CFAP65: variants seen among roughly 807,000 people sequenced by gnomAD.
CFAP65 encodes cilia- and flagella-associated protein 65.
Under a neutral mutation model 208.0 loss-of-function variants are expected in CFAP65, and 155 were observed. That is an observed-to-expected ratio of 0.75 (90% confidence interval 0.65 to 0.85). The LOEUF (loss-of-function observed/expected upper bound fraction) is 0.85. Among genes scored for constraint, CFAP65 ranks in the 40% least tolerant of loss-of-function variants. The pLI is 0.00. For missense variants in CFAP65, 2,294 were observed against 2,451.3 expected, an observed-to-expected ratio of 0.94 and a Z score of 1.36; for synonymous variants, 970 against 986.3, an observed-to-expected ratio of 0.98 and a Z score of 0.31.
rs1945761284 is a variant in CFAP65 at position 219,004,000 on chromosome 2, A to T, written c.5507T>A (p.Val1836Asp). ...CTGTTCTTGCTCCTCCTTCACCATGACATTCAGCTGCTGTTGCCACTGCCA... is the reference window on the plus strand; with the variant it reads ...CTGTTCTTGCTCCTCCTTCACCATGTCATTCAGCTGCTGTTGCCACTGCCA... ...MQWQWQQQLN[V>D]MVKEEQEQDE... Residue 1836 changes from valine to aspartate, a missense_variant, in exon 33 of 35, where the codon GTC becomes GAC. Physicochemically the swap from Val to Asp is radical, Grantham distance 152. Coordinates refer to ENST00000341552, the MANE Select transcript of CFAP65 (RefSeq NM_194302.4). This position sits in a 1 kb window ranked among gnomAD's most constrained non-coding sequence, Gnocchi z 4.4. 2.5e-6 allele frequency: 4 copies of T among 1,613,894 alleles called. No homozygotes were observed. Among genetic ancestry groups the T allele is most frequent in the East Asian group, 2.2e-5 (1 of 44,866 alleles).
chr2:219,040,977 C>CAT (rs3082573), intron 1 of CFAP65, among the ~76,000 whole-genome samples: 106,613 of 151,946 alleles, frequency 0.7, 38,109 homozygotes, highest in Non-Finnish European at 0.77. Flanking sequence ...TAAACAAACA[C>CAT]GTTATAGTAA....
intron 22 of CFAP65, 75 bp from the exon 23 acceptor site, chr2:219,013,660 T>G: frequency 7.1e-7 from 1 of 1,409,406 alleles, no homozygotes; most frequent in South Asian, 1.2e-5. Flanking sequence ...GGACATGACA[T>G]TTCTGTGGCT....
Position 219,021,181 on chromosome 2 carries a change from G to A in CFAP65, c.3230C>T (p.Thr1077Ile). Reference protein sequence around the residue: ...CPKQRSQYSWTITYSLLSHRD... With the variant: ...CPKQRSQYSWIITYSLLSHRD... ...GTGGGAAAGGAGAGAGTAGGTGATG[G>A]TCCAGGAGTACTGGGACCGCTGCTT... The change falls in exon 19 of 35, where the codon ACC becomes ATC. Residue 1077 changes from threonine (T) to isoleucine (I), a missense_variant. Physicochemically the swap from Thr to Ile is moderately conservative, Grantham distance 89. Around this residue, in one of 2 missense-constraint regions of CFAP65, gnomAD observed 1,427 missense variants for 1,438.7 expected, o/e 0.99. Coordinates refer to ENST00000341552, the MANE Select transcript of CFAP65 (RefSeq NM_194302.4). The A allele has an allele frequency of 6.3e-7, 1 of 1,598,684 alleles. No homozygotes were observed. The highest frequency in any genetic ancestry group is 8.5e-7 in the Non-Finnish European group (1 of 1,172,034).
chr2:219,037,931 T>C (rs422702), intron 4 of CFAP65, among the ~76,000 whole-genome samples: 19,309 of 152,098 alleles, frequency 0.13, 2,148 homozygotes, highest in East Asian at 0.46. Flanking sequence ...ACAGTATCCA[T>C]ACATTATTGG....
intron 9 of CFAP65, among the ~76,000 whole-genome samples, chr2:219,030,410 G>T (rs1384824693): frequency 6.6e-6 from 1 of 152,200 alleles, no homozygotes; most frequent in Admixed American, 6.5e-5. Context: ...CTGCCCAAAG[G>T]GGGCACCTTT....
chr2:219,006,243 T>C lies in CFAP65; in HGVS notation c.4720-20A>G, dbSNP rs768872016. The stretch of plus-strand genomic sequence containing the variant: ...CAGTGTCTTTGGGAAGGGAGGGACA[T>C]GGATGACAAGGGTTTGGGCACCACA... On this transcript the variant is annotated intron_variant, in intron 30 of 34. Coordinates refer to ENST00000341552, the MANE Select transcript of CFAP65 (RefSeq NM_194302.4). The C allele has an allele frequency of 1.1e-5, 18 of 1,598,284 alleles. No individual in the cohort carries two copies. Among genetic ancestry groups the C allele is most frequent in the Non-Finnish European group, 1.5e-5 (17 of 1,170,124 alleles).
At chr2:219,016,624 T>C (rs1343010819) in intron 21 of CFAP65, among the ~76,000 whole-genome samples, 1 of 152,074 alleles carries the variant, frequency 6.6e-6, no homozygotes, top group Non-Finnish European at 1.5e-5. Flanking sequence ...TTCCAACCCC[T>C]TTCCCTTCCA....
Position 219,031,157 on chromosome 2 carries a change from A to G in CFAP65, c.964T>C (p.Trp322Arg). 1 of 1,608,746 alleles carries G rather than the reference A, an allele frequency of 6.2e-7. No individual in the cohort carries two copies. The change falls in exon 8 of 35, where the codon TGG (tryptophan) becomes CGG (arginine). Residue 322 changes from tryptophan to arginine, a missense_variant. By Grantham distance (101) the Trp-to-Arg change is moderately radical. Transcript: ENST00000341552. This position sits in a 1 kb window ranked among gnomAD's most constrained non-coding sequence, Gnocchi z 5.2. ...CTCTGCCGGCTGCCCGCCCCGTACC[A>G]GCACGTGGCCTGCACCTCGTAGATG... ...AVIYEVQATC[W>R]YGAGSRQRSS...
intron 17 of CFAP65, 81 bp from the exon 18 acceptor site, chr2:219,022,011 A>T: frequency 6.3e-7 from 1 of 1,579,830 alleles, no homozygotes; most frequent in East Asian, 2.2e-5. Flanking sequence ...TTTTCAGAGC[A>T]TCCCCCAAGG....
At chr2:219,022,885 C>T (rs936227900) in intron 16 of CFAP65, among the ~76,000 whole-genome samples, 1 of 152,252 alleles carries the variant, frequency 6.6e-6, no homozygotes, top group Non-Finnish European at 1.5e-5. Context: ...AACCCACCCT[C>T]CCAATGACCT....
chr2:219,008,510 C>T (rs939177336), intron 29 of CFAP65, among the ~76,000 whole-genome samples: 7 of 152,110 alleles, frequency 4.6e-5, no homozygotes, highest in African/African-American at 1.2e-4. Flanking sequence ...TTTGGGAGGC[C>T]GAGGTGGTCA....
rs761418580 is a variant in CFAP65, at chr2:219,024,072, G to C, written c.2538C>G (p.Ser846Arg). 2.5e-6 allele frequency: 4 copies of C among 1,613,976 alleles called. No homozygotes were observed. In the African/African-American group the frequency reaches 5.3e-5, roughly 22 times the overall value. The stretch of plus-strand genomic sequence containing the variant: ...GATAGAAAGTGTGCTGCTTCCAGGA[G>C]CTGCCCTCAGGGTAGGTGCAGATGA... ...IILICTYPEG[S>R]SWKQHTFYLQ... Residue 846 changes from serine to arginine, a missense_variant, in exon 15 of 35, where the codon AGC becomes AGG. Around this residue, in one of 2 missense-constraint regions of CFAP65, gnomAD observed 1,427 missense variants for 1,438.7 expected, o/e 0.99. Coordinates refer to ENST00000341552, the MANE Select transcript of CFAP65 (RefSeq NM_194302.4).
rs141598128 is a variant in CFAP65, at chr2:219,028,202, T to C, written c.1850A>G (p.Gln617Arg). 20 of 1,613,730 alleles carry C rather than the reference T, an allele frequency of 1.2e-5. No homozygotes were observed. The African/African-American group carries it at 2.0e-4, about 16-fold the overall frequency. Residue 617 changes from glutamine to arginine, a missense_variant and splice_region_variant, in exon 12 of 35, where the codon CAG becomes CGG. Gln to Arg is a conservative substitution (Grantham distance 43). Coordinates refer to ENST00000341552, the MANE Select transcript of CFAP65 (RefSeq NM_194302.4). ...ATGCAGCTGGGGAGGGCACTGTACC[T>C]GGATGGGAATCATGAGAGCCCCGTT... Reference protein sequence around the residue: ...DQNGALMIPIQDLEDMPAPQY... With the variant: ...DQNGALMIPIRDLEDMPAPQY...
chr2:219,038,249 G>A (rs1175105751), intron 4 of CFAP65, 126 bp downstream of exon 4: 1 of 815,502 alleles, frequency 1.2e-6, no homozygotes, highest in Non-Finnish European at 1.9e-6. Flanking sequence ...GTCTAGACAA[G>A]GTCTAGTGCT....
At position 219,010,654 on chromosome 2, in the gene CFAP65, GA is replaced by G; in HGVS notation, c.4199del (p.Phe1400SerfsTer10). The G allele has an allele frequency of 6.2e-7, 1 of 1,610,820 alleles. No individual in the cohort carries two copies. Among genetic ancestry groups the G allele is most frequent in the Non-Finnish European group, 8.5e-7 (1 of 1,179,136 alleles). On this transcript the variant is annotated frameshift_variant, in exon 26 of 35. Transcript: ENST00000341552. LOFTEE classifies it high-confidence loss of function. The part of the protein sequence containing the change: ...ILGWNSALIH[F>X]QGVGYNPHMM... ...TATGGGGGTTGTAGCCCACTCCCTG[GA>G]AGTGGATGAGGGCCGAGTTCCATCC...
chr2:219,027,915 G>T lies in CFAP65; in HGVS notation c.1946C>A (p.Pro649Gln). ...DGTSDITIFP[P>Q]PISVEPVEVD... ...CTCGACAGGCTCTACACTGATGGGC[G>T]GGGGGAAGATGGTTATGTCGCTGGT... Residue 649 changes from proline (P) to glutamine (Q), a missense_variant, in exon 13 of 35, where the codon CCG becomes CAG. Physicochemically the swap from Pro to Gln is moderately conservative, Grantham distance 76. This residue lies in a region of CFAP65 where 867 missense variants were observed against 1,012.6 expected (regional missense o/e 0.86). Transcript: ENST00000341552. 1.3e-6 allele frequency: 2 copies of T among 1,525,968 alleles called. No homozygotes were observed. The highest frequency in any genetic ancestry group is 8.8e-7 in the Non-Finnish European group (1 of 1,136,784). The allele number at this position is 1,525,968 out of a possible 1,614,324, so 94.5% of individuals were successfully genotyped here.
Position 219,028,360 on chromosome 2 carries a change from G to A in CFAP65, c.1692C>T (p.Asp564=). 6.2e-7 allele frequency: 1 copy of A among 1,613,660 alleles called. No homozygotes were observed. Among genetic ancestry groups the A allele is most frequent in the Non-Finnish European group, 8.5e-7 (1 of 1,179,966 alleles). The change falls in exon 12 of 35, where the codon GAC becomes GAT. Residue 564 remains aspartate (D), a synonymous_variant. Coordinates refer to ENST00000341552, the MANE Select transcript of CFAP65 (RefSeq NM_194302.4). ...GCTTCAGGATGGCTGGCTTGGTGCT[G>A]TCCGAGTGGCAGGTCCCCATCAGGT... ...FLDLMGTCHS[D]STKPAILKPQ... is the part of the protein sequence containing the mutation.
chr2:219,005,912 G>T, intron 31 of CFAP65, 109 bp downstream of exon 31: 1 of 1,115,614 alleles, frequency 9.0e-7, no homozygotes, highest in Non-Finnish European at 1.3e-6. Flanking sequence ...CACTGCTGCT[G>T]CCCATGCTCC....
At chr2:219,016,348 G>A (rs1946885209) in intron 21 of CFAP65, among the ~76,000 whole-genome samples, 1 of 135,536 alleles carries the variant, frequency 7.4e-6, no homozygotes, top group Non-Finnish European at 1.5e-5. Flanking sequence ...AGGCTAGAGT[G>A]CAGTGGTGCA....
Sources: allele counts gnomAD v4.1 joint callset (sites outside exome capture counted in the v4.1 genomes callset), GRCh38; gene constraint gnomAD v4.1.1; regional missense constraint gnomAD v4.1.1; non-coding constraint Gnocchi (gnomAD v3.1); transcripts MANE v1.5; gene names NCBI Gene and HGNC (gene_info 2026-07-23, HGNC 2026-07-21).